Variants in FGF10 observed in about 807,000 individuals in gnomAD.
FGF10 encodes the protein FGF-10.
In FGF10, 2 loss-of-function variants were observed where a neutral mutation model predicts 19.8. The ratio of observed to expected loss-of-function variants is 0.10; its 90% CI spans 0.04 to 0.32. The LOEUF is 0.32. FGF10 is among the 10% of genes least tolerant of loss of function. The pLI is 1.00. For missense variants in FGF10, 191 were observed against 246.3 expected, an observed-to-expected ratio of 0.78 and a Z score of 1.50; for synonymous variants, 112 against 94.0, an observed-to-expected ratio of 1.19 and a Z score of -1.10.
At chr5:44,337,724 G>C (rs111758597) in intron 1 of FGF10, among the ~76,000 whole-genome samples, 4 of 152,022 alleles carry the variant, frequency 2.6e-5, no homozygotes, top group African/African-American at 7.2e-5. Flanking sequence ...GGTGGATCAC[G>C]AGGTCAGGAG....
chr5:44,361,136 C>T (rs775595728), intron 1 of FGF10, among the ~76,000 whole-genome samples: 21 of 151,658 alleles, frequency 1.4e-4, no homozygotes, highest in Non-Finnish European at 2.8e-4. Flanking sequence ...GCAGCAGCAA[C>T]TCTCAAGGTT....
chr5:44,374,870 A>G (rs1741817800), intron 1 of FGF10, among the ~76,000 whole-genome samples: 1 of 119,276 alleles, frequency 8.4e-6, no homozygotes, highest in Admixed American at 9.8e-5. Context: ...AAAATGATTC[A>G]CTTCATGATT....
intron 1 of FGF10, among the ~76,000 whole-genome samples, chr5:44,313,661 C>G (rs2111700396): frequency 6.6e-6 from 1 of 151,710 alleles, no homozygotes; most frequent in Non-Finnish European, 1.5e-5. Context: ...ATTATATTTC[C>G]CATTCATGTA....
At chr5:44,330,941 T>C (rs1740722367) in intron 1 of FGF10, among the ~76,000 whole-genome samples, 1 of 152,168 alleles carries the variant, frequency 6.6e-6, no homozygotes, top group Non-Finnish European at 1.5e-5. Context: ...AGACTTTGTC[T>C]CACAAACAGT....
At chr5:44,335,137 T>C (rs1026169983) in intron 1 of FGF10, among the ~76,000 whole-genome samples, 1 of 152,106 alleles carries the variant, frequency 6.6e-6, no homozygotes, top group Non-Finnish European at 1.5e-5. Context: ...TAATCATCAG[T>C]TATAAATGAA....
intron 1 of FGF10, among the ~76,000 whole-genome samples, chr5:44,344,821 G>C (rs1314697084): frequency 6.6e-6 from 1 of 150,812 alleles, no homozygotes; most frequent in East Asian, 1.9e-4. Context: ...ACTTTCAAAG[G>C]ATTTCATTTG....
chr5:44,333,647 C>T (rs577948395), intron 1 of FGF10, among the ~76,000 whole-genome samples: 1 of 152,222 alleles, frequency 6.6e-6, no homozygotes, highest in South Asian at 2.1e-4. Flanking sequence ...TGTATGACAT[C>T]AAACCTTAAC....
chr5:44,377,081 G>A (rs559912284), intron 1 of FGF10, among the ~76,000 whole-genome samples: 1 of 152,220 alleles, frequency 6.6e-6, no homozygotes, highest in East Asian at 1.9e-4. Flanking sequence ...GTGATTTCCT[G>A]AAAACTTCAT....
In FGF10 at chr5:44,388,747, C is replaced by T. The variant is rs201019721; in HGVS notation, c.-65G>A. On this transcript the variant is annotated 5_prime_UTR_variant, in exon 1 of 3. Coordinates refer to ENST00000264664, the MANE Select transcript of FGF10 (RefSeq NM_004465.2). ...AGGAACATACTGGAAGGGTAAGACC[C>T]GATGCAAGGCAAGGAGAGAGCTCGA... 109 of 1,549,120 alleles carry T rather than the reference C, an allele frequency of 7.0e-5. 5 individuals are homozygous for T. In the South Asian group the frequency reaches 7.2e-4, roughly 10 times the overall value.
intron 1 of FGF10, among the ~76,000 whole-genome samples, chr5:44,366,327 A>T (rs948021469): frequency 4.0e-5 from 6 of 151,430 alleles, no homozygotes; most frequent in African/African-American, 1.2e-4. Flanking sequence ...GTCAATGAAA[A>T]TTTTTTTTAA....
At chr5:44,347,698 C>T (rs1181042847) in intron 1 of FGF10, among the ~76,000 whole-genome samples, 1 of 151,588 alleles carries the variant, frequency 6.6e-6, no homozygotes, top group Non-Finnish European at 1.5e-5. Context: ...GCAATTTTAG[C>T]ACAGAGCAAA....
chr5:44,367,196 G>GA lies in FGF10; in HGVS notation c.325+21161dup, dbSNP rs1352649453. 9.9e-5 allele frequency among the ~76,000 whole-genome samples: 15 copies of GA among 151,982 alleles called. No homozygotes were observed. In the East Asian group the frequency reaches 1.9e-3, roughly 20 times the overall value. ...TATCATCCTTTGAAAAGTAACTACT[G>GA]AAAAAAATCCATTTTTTTCATCTGT... On this transcript the variant is annotated intron_variant, in intron 1 of 2. Coordinates refer to ENST00000264664, the MANE Select transcript of FGF10 (RefSeq NM_004465.2).
intron 1 of FGF10, among the ~76,000 whole-genome samples, chr5:44,370,194 T>C (rs1741712813): frequency 6.6e-6 from 1 of 152,126 alleles, no homozygotes. Context: ...CCTCTCCTTC[T>C]CCAAGCCTGT....
chr5:44,309,839 T>C (rs1264491975), intron 2 of FGF10, among the ~76,000 whole-genome samples: 6 of 152,148 alleles, frequency 3.9e-5, no homozygotes, highest in African/African-American at 1.4e-4. Flanking sequence ...ACTGCAGGGA[T>C]ACCTGCTCCA....
chr5:44,303,367 G>A lies in FGF10; in HGVS notation c.*1628C>T, dbSNP rs1337380481. ...GTTAAACTTTAGTAAGACACATTTA[G>A]TGAGTCTTTTTTTTTGTACCAAAAT... On this transcript the variant is annotated 3_prime_UTR_variant, in exon 3 of 3. Coordinates refer to ENST00000264664, the MANE Select transcript of FGF10 (RefSeq NM_004465.2). Among the ~76,000 whole-genome samples, 1 of 152,112 alleles carries A rather than the reference G, an allele frequency of 6.6e-6. No homozygotes were observed. Among genetic ancestry groups the A allele is most frequent in the African/African-American group, 2.4e-5 (1 of 41,426 alleles).
chr5:44,349,443 T>TATATATATATATATATCAGA (rs1741173430), intron 1 of FGF10, among the ~76,000 whole-genome samples: 2 of 12,466 alleles, frequency 1.6e-4, no homozygotes, highest in Non-Finnish European at 4.4e-4. Flanking sequence ...TATATATATA[T>TATATATATATATATATCAGA]ATATATATAT....
chr5:44,353,913 A>G (rs1741289209), intron 1 of FGF10, among the ~76,000 whole-genome samples: 1 of 151,512 alleles, frequency 6.6e-6, no homozygotes, highest in Non-Finnish European at 1.5e-5. Context: ...ATAAATTTGC[A>G]AAAAGTGCAC....
chr5:44,339,058 A>AT (rs995400718), intron 1 of FGF10, among the ~76,000 whole-genome samples: 4 of 152,058 alleles, frequency 2.6e-5, no homozygotes, highest in Non-Finnish European at 4.4e-5. Flanking sequence ...TCCTTTTACT[A>AT]TTTTTTCTAA....
intron 1 of FGF10, among the ~76,000 whole-genome samples, chr5:44,356,656 T>C (rs966576524): frequency 1.3e-5 from 2 of 151,496 alleles, no homozygotes; most frequent in African/African-American, 4.8e-5. Flanking sequence ...TTATTCAATA[T>C]AAGAATATTG....
Sources: allele counts gnomAD v4.1 joint callset (sites outside exome capture counted in the v4.1 genomes callset), GRCh38; gene constraint gnomAD v4.1.1; transcripts MANE v1.5; gene names NCBI Gene and HGNC (gene_info 2026-07-23, HGNC 2026-07-21).